The following LINGO2 variants were observed in gnomAD, a reference collection of about 807,000 sequenced individuals.
LINGO2 encodes leucine-rich repeat and immunoglobulin-like domain-containing nogo receptor-interacting protein 2.
In LINGO2, 14 loss-of-function variants were observed where a neutral mutation model predicts 30.6. That is an observed-to-expected ratio of 0.46 (90% CI 0.30 to 0.72). The LOEUF is 0.72. LINGO2 is among the 30% of genes least tolerant of loss of function. The probability of loss-of-function intolerance (pLI) is 0.07; values close to 1 mark genes in which losing one functional copy is unlikely to be tolerated. For missense variants in LINGO2, 729 were observed against 751.7 expected (o/e 0.97, Z 0.35); for synonymous variants, 317 against 288.5 (o/e 1.10, Z -1.00).
chr9:29,035,490 T>C, the LINGO2 span, among the ~76,000 whole-genome samples: 25,242 of 151,266 alleles, frequency 0.17, 2,241 homozygotes, highest in East Asian at 0.34. Context: ...TACAGCAGCA[T>C]CTAAGCTGAC....
chr9:28,634,488 T>TTC (rs1554648332), intron 1 of LINGO2, among the ~76,000 whole-genome samples: 66 of 140,586 alleles, frequency 4.7e-4, no homozygotes, highest in African/African-American at 1.6e-3. Flanking sequence ...TTTTTTTCTT[T>TTC]TTTTTTTTTT....
intron 2 of LINGO2, among the ~76,000 whole-genome samples, chr9:28,450,453 G>A (rs897773409): frequency 6.6e-6 from 1 of 152,034 alleles, no homozygotes; most frequent in Non-Finnish European, 1.5e-5. Flanking sequence ...TTTGGAGGAG[G>A]CCAAGGCCAT....
the LINGO2 span, among the ~76,000 whole-genome samples, chr9:28,758,366 G>C: frequency 6.6e-6 from 1 of 152,140 alleles, no homozygotes; most frequent in African/African-American, 2.4e-5. Context: ...AATTCATTTT[G>C]TATTAGTAAC....
chr9:28,865,941 C>T, the LINGO2 span, among the ~76,000 whole-genome samples: 2 of 152,088 alleles, frequency 1.3e-5, no homozygotes, highest in Non-Finnish European at 2.9e-5. Context: ...ATATTTTATA[C>T]CTCTTGTTGC....
chr9:29,085,840 G>A, the LINGO2 span, among the ~76,000 whole-genome samples: 2 of 152,100 alleles, frequency 1.3e-5, no homozygotes, highest in Non-Finnish European at 2.9e-5. Context: ...ATGAGGTTGT[G>A]TAATTTGCCC....
At chr9:29,205,990 T>G in the LINGO2 span, among the ~76,000 whole-genome samples, 1 of 152,248 alleles carries the variant, frequency 6.6e-6, no homozygotes, top group African/African-American at 2.4e-5. Flanking sequence ...TGGTGTTTTT[T>G]GTTACTGGCT....
chr9:28,579,166 C>T (rs1158391334), intron 1 of LINGO2, among the ~76,000 whole-genome samples: 1 of 151,844 alleles, frequency 6.6e-6, no homozygotes, highest in Non-Finnish European at 1.5e-5. Context: ...GCTGAGAATC[C>T]ATTAAGTCAA....
At chr9:28,009,533 C>T (rs1822449504) in intron 5 of LINGO2, among the ~76,000 whole-genome samples, 1 of 151,708 alleles carries the variant, frequency 6.6e-6, no homozygotes, top group African/African-American at 2.4e-5. Context: ...TAAAATAACC[C>T]AATTAAAAAT....
chr9:28,493,019 A>C (rs962556827), intron 1 of LINGO2, among the ~76,000 whole-genome samples: 29 of 152,108 alleles, frequency 1.9e-4, no homozygotes, highest in Admixed American at 1.0e-3. Flanking sequence ...ATGGGGGCTC[A>C]TGTTTTTCAA....
At chr9:28,979,065 G>C in the LINGO2 span, among the ~76,000 whole-genome samples, 8 of 152,070 alleles carry the variant, frequency 5.3e-5, no homozygotes, top group African/African-American at 4.8e-5. Flanking sequence ...CTTCTACCCT[G>C]CTGTCTGCTC....
intron 1 of LINGO2, among the ~76,000 whole-genome samples, chr9:28,528,775 G>GTT (rs1201898998): frequency 2.0e-5 from 3 of 151,836 alleles, no homozygotes; most frequent in African/African-American, 7.3e-5. Flanking sequence ...GTGTGTGTGT[G>GTT]TGTATTGTTG....
chr9:29,104,348 A>G, the LINGO2 span, among the ~76,000 whole-genome samples: 1 of 151,886 alleles, frequency 6.6e-6, no homozygotes, highest in African/African-American at 2.4e-5. Flanking sequence ...AGTGTGTAGC[A>G]CTTCCCCTTT....
chr9:28,688,774 C>G, the LINGO2 span, among the ~76,000 whole-genome samples: 1 of 152,158 alleles, frequency 6.6e-6, no homozygotes, highest in Admixed American at 6.5e-5. Context: ...TTTCATGGTA[C>G]TAACACAGGT....
chr9:29,174,210 T>G, the LINGO2 span, among the ~76,000 whole-genome samples: 1 of 152,202 alleles, frequency 6.6e-6, no homozygotes, highest in Non-Finnish European at 1.5e-5. Context: ...CACTATATTT[T>G]TGAAGTTTCA....
At chr9:28,164,104 T>A (rs1187827760) in intron 4 of LINGO2, among the ~76,000 whole-genome samples, 1 of 152,174 alleles carries the variant, frequency 6.6e-6, no homozygotes, top group Non-Finnish European at 1.5e-5. Context: ...AAATTAATAA[T>A]AAACTGTAAT....
intron 3 of LINGO2, among the ~76,000 whole-genome samples, chr9:28,328,658 C>A (rs1343099244): frequency 6.6e-6 from 1 of 151,854 alleles, no homozygotes; most frequent in Admixed American, 6.6e-5. Context: ...AGGCACTAAG[C>A]AAAACATTAG....
At chr9:27,992,848 C>G (rs1277518219) in intron 5 of LINGO2, among the ~76,000 whole-genome samples, 1 of 152,034 alleles carries the variant, frequency 6.6e-6, no homozygotes, top group South Asian at 2.1e-4. Context: ...TGGATCTTAC[C>G]AAACTAATAG....
chr9:28,797,168 G>T, the LINGO2 span, among the ~76,000 whole-genome samples: 5 of 151,068 alleles, frequency 3.3e-5, no homozygotes, highest in African/African-American at 1.2e-4. Flanking sequence ...TAAGTTTCAG[G>T]TTATTCACTC....
chr9:29,070,347 A>G, the LINGO2 span, among the ~76,000 whole-genome samples: 29,936 of 152,024 alleles, frequency 0.2, 3,084 homozygotes, highest in African/African-American at 0.24. Flanking sequence ...CAACCCTTTA[A>G]GAAAACCGTA....
Sources: allele counts gnomAD v4.1 joint callset (sites outside exome capture counted in the v4.1 genomes callset), GRCh38; gene constraint gnomAD v4.1.1; transcripts MANE v1.5; gene names NCBI Gene and HGNC (gene_info 2026-07-23, HGNC 2026-07-21).